Variants in KHDRBS2 observed in about 807,000 individuals in gnomAD.
KHDRBS2 encodes the protein KH RNA binding domain containing, signal transduction associated 2, also known as KH domain-containing, RNA-binding, signal transduction-associated protein 2.
KHDRBS2 carries 26 observed loss-of-function variants against 44.3 expected under a neutral mutation model. The ratio of observed to expected loss-of-function variants is 0.59; its 90% confidence interval spans 0.43 to 0.81. KHDRBS2 has a LOEUF of 0.81. Among genes scored for constraint, KHDRBS2 ranks in the 40% least tolerant of loss-of-function variants. The pLI is 0.00. For missense variants in KHDRBS2, 476 were observed against 433.1 expected, an observed-to-expected ratio of 1.10 and a Z score of -0.88; for synonymous variants, 194 against 151.1, an observed-to-expected ratio of 1.28 and a Z score of -2.08.
At chr6:62,106,258 G>C (rs1803262435) in intron 2 of KHDRBS2, among the ~76,000 whole-genome samples, 1 of 152,170 alleles carries the variant, frequency 6.6e-6, no homozygotes, top group African/African-American at 2.4e-5. Context: ...ATATTCTGTT[G>C]ATTTGGGGTG....
At chr6:62,007,402 G>GTT (rs112517639) in intron 3 of KHDRBS2, among the ~76,000 whole-genome samples, 6,496 of 145,044 alleles carry the variant, frequency 0.045, 184 homozygotes, top group African/African-American at 0.078. Flanking sequence ...ACATTTTGAT[G>GTT]TTTTTTTTTT....
chr6:61,569,063 G>A, the KHDRBS2 span, among the ~76,000 whole-genome samples: 121 of 76,966 alleles, frequency 1.6e-3, 1 homozygote, highest in African/African-American at 6.0e-3. Flanking sequence ...GGTCTGATTG[G>A]GGCACTGTGG....
chr6:62,244,948 G>C (rs1181720935), intron 1 of KHDRBS2, among the ~76,000 whole-genome samples: 1 of 152,028 alleles, frequency 6.6e-6, no homozygotes, highest in African/African-American at 2.4e-5. Flanking sequence ...GCAGCAGCAA[G>C]TGCAAACCTT....
intron 6 of KHDRBS2, among the ~76,000 whole-genome samples, chr6:61,818,385 T>TAGA (rs1449432731): frequency 2.0e-5 from 3 of 151,114 alleles, no homozygotes; most frequent in African/African-American, 7.3e-5. Context: ...CTAAGATGAA[T>TAGA]AGAAGAAATA....
chr6:62,100,740 C>A (rs544282642), intron 2 of KHDRBS2, among the ~76,000 whole-genome samples: 1 of 152,214 alleles, frequency 6.6e-6, no homozygotes, highest in Admixed American at 6.5e-5. Context: ...ATACTTTATA[C>A]TTAAATAGAC....
intron 4 of KHDRBS2, among the ~76,000 whole-genome samples, chr6:61,956,562 C>T (rs1008869915): frequency 5.9e-5 from 9 of 152,248 alleles, no homozygotes; most frequent in African/African-American, 2.2e-4. Flanking sequence ...AAACAAATCA[C>T]AGAACACCAC....
At chr6:62,095,953 T>C (rs760950884) in intron 2 of KHDRBS2, among the ~76,000 whole-genome samples, 8 of 151,970 alleles carry the variant, frequency 5.3e-5, no homozygotes, top group Non-Finnish European at 7.4e-5. Context: ...ATCAAATGTT[T>C]TTTTATTCAT....
intron 1 of KHDRBS2, among the ~76,000 whole-genome samples, chr6:62,215,882 T>G (rs184379184): frequency 7.2e-5 from 11 of 151,926 alleles, no homozygotes; most frequent in African/African-American, 2.4e-4. Context: ...AGATAATCAA[T>G]GTAAATATTA....
At chr6:61,865,507 C>A (rs1176912236) in intron 6 of KHDRBS2, among the ~76,000 whole-genome samples, 1 of 152,062 alleles carries the variant, frequency 6.6e-6, no homozygotes, top group Admixed American at 6.5e-5. Flanking sequence ...ACAAAAACAG[C>A]ATGGGAAAGA....
chr6:62,118,964 G>A (rs1049765583), intron 2 of KHDRBS2, among the ~76,000 whole-genome samples: 1 of 152,172 alleles, frequency 6.6e-6, no homozygotes, highest in Non-Finnish European at 1.5e-5. Flanking sequence ...GGTCATGTGA[G>A]TGAATACTCA....
chr6:62,006,340 T>A (rs1779222437), intron 3 of KHDRBS2, among the ~76,000 whole-genome samples: 1 of 151,998 alleles, frequency 6.6e-6, no homozygotes, highest in African/African-American at 2.4e-5. Flanking sequence ...ATGAATCTTG[T>A]AAGACAAAGA....
intron 2 of KHDRBS2, among the ~76,000 whole-genome samples, chr6:62,059,344 C>T (rs1427400268): frequency 1.3e-5 from 2 of 149,312 alleles, no homozygotes; most frequent in African/African-American, 4.9e-5. Flanking sequence ...TGTAGTGGAG[C>T]AGGAAAAAGC....
At chr6:61,706,926 A>G (rs2127548529) in intron 7 of KHDRBS2, among the ~76,000 whole-genome samples, 1 of 151,850 alleles carries the variant, frequency 6.6e-6, no homozygotes, top group Middle Eastern at 3.4e-3. Flanking sequence ...ATACTATACA[A>G]GTAAAAAACA....
chr6:62,158,772 T>C (rs1816994930), intron 2 of KHDRBS2, among the ~76,000 whole-genome samples: 1 of 152,144 alleles, frequency 6.6e-6, no homozygotes, highest in Non-Finnish European at 1.5e-5. Flanking sequence ...ATACCTTCTC[T>C]TTCTTTGCTC....
chr6:61,642,423 A>G, the KHDRBS2 span, among the ~76,000 whole-genome samples: 297 of 151,764 alleles, frequency 2.0e-3, 1 homozygote, highest in Non-Finnish European at 3.2e-3. Flanking sequence ...TTGGAGTCCA[A>G]GGCAGGCGGA....
At chr6:62,055,355 A>T (rs925860781) in intron 2 of KHDRBS2, among the ~76,000 whole-genome samples, 2 of 152,056 alleles carry the variant, frequency 1.3e-5, no homozygotes, top group Non-Finnish European at 2.9e-5. Flanking sequence ...AATTTAAACA[A>T]ATCAAATTTA....
At chr6:62,141,052 T>C (rs72886156) in intron 2 of KHDRBS2, among the ~76,000 whole-genome samples, 2,982 of 152,316 alleles carry the variant, frequency 0.02, 55 homozygotes, top group Non-Finnish European at 0.031. Flanking sequence ...CATATTGTTA[T>C]AACTACGGAA....
the KHDRBS2 span, among the ~76,000 whole-genome samples, chr6:61,600,535 A>G: frequency 6.6e-6 from 1 of 152,082 alleles, no homozygotes; most frequent in African/African-American, 2.4e-5. Flanking sequence ...CCCTTCACTG[A>G]GTCTCTTTTC....
At chr6:61,610,179 A>G in the KHDRBS2 span, among the ~76,000 whole-genome samples, 1 of 130,550 alleles carries the variant, frequency 7.7e-6, no homozygotes, top group Non-Finnish European at 1.6e-5. Context: ...CTGTCTCAAT[A>G]TATATATTTA....
Sources: gnomAD v4.1 joint callset for allele counts (sites outside exome capture counted in the v4.1 genomes callset) on GRCh38, gnomAD v4.1.1 for gene constraint, MANE v1.5 for transcripts, NCBI Gene and HGNC (gene_info 2026-07-23, HGNC 2026-07-21) for gene names.